Variants in KCNJ11 observed in about 807,000 individuals in gnomAD.
KCNJ11 encodes ATP-sensitive inward rectifier potassium channel 11.
A neutral mutation model predicts 17.3 loss-of-function variants in KCNJ11; 12 were observed. That is an observed-to-expected ratio of 0.69 (90% CI 0.44 to 1.12). KCNJ11 has a LOEUF of 1.12. Ranked by LOEUF, KCNJ11 falls within the 50% of genes most tolerant of loss-of-function variation. The pLI is 0.00. For synonymous variants in KCNJ11, 211 were observed against 223.4 expected, an observed-to-expected ratio of 0.94 and a Z score of 0.50; for missense variants, 386 against 554.1, an observed-to-expected ratio of 0.70 and a Z score of 3.05.
rs1360165556 is a variant in KCNJ11, at chr11:17,387,512, C to T, written c.580G>A (p.Gly194Ser). ...ACACGTAGCATGAAGCAGAGGCGGCCGTGGCGCAGGGCGATCACCGCATGC... is the reference window on the plus strand; with the variant it reads ...ACACGTAGCATGAAGCAGAGGCGGCTGTGGCGCAGGGCGATCACCGCATGC... ...SKHAVIALRHGRLCFMLRVGD... is the reference protein window; with the variant it reads ...SKHAVIALRHSRLCFMLRVGD... The change falls in exon 1 of 1, where the codon GGC (glycine) becomes AGC (serine). Residue 194 changes from glycine (G) to serine (S), a missense_variant. By Grantham distance (56) the Gly-to-Ser change is moderately conservative (BLOSUM62 0). Transcript: ENST00000339994. The T allele has an allele frequency of 5.0e-6, 8 of 1,611,798 alleles. No homozygotes were observed. The East Asian group carries it at 8.9e-5, about 18-fold the overall frequency.
At position 17,387,739 on chromosome 11, in the gene KCNJ11, G is replaced by A. The variant is rs756424776; in HGVS notation, c.353C>T (p.Ser118Leu). The change falls in exon 1 of 1, where the codon TCG becomes TTG. Residue 118 changes from serine to leucine, a missense_variant. By Grantham distance (145) the Ser-to-Leu change is moderately radical. Transcript: ENST00000339994. ...EPCVTSIHSF[S>L]SAFLFSIEVQ... Reference sequence around the variant, plus strand: ...CTCAATGGAGAAAAGGAAGGCAGACGAGAAGGAGTGGATGCTGGTGACACA... The same window carrying A: ...CTCAATGGAGAAAAGGAAGGCAGACAAGAAGGAGTGGATGCTGGTGACACA... The A allele has an allele frequency of 1.1e-5, 17 of 1,614,148 alleles. No homozygotes were observed. In the South Asian group the frequency reaches 1.2e-4, roughly 11 times the overall value.
chr11:17,387,446 G>T lies in KCNJ11; in HGVS notation c.646C>A (p.His216Asn). Reference protein sequence around the residue: ...RKSMIISATIHMQVVRKTTSP... With the variant: ...RKSMIISATINMQVVRKTTSP... ...GTGGTCTTGCGTACCACCTGCATGT[G>T]GATGGTGGCGCTGATGATCATGCTC... The change falls in exon 1 of 1, where the codon CAC (histidine) becomes AAC (asparagine). Residue 216 changes from histidine (H) to asparagine (N), a missense_variant. His to Asn is a moderately conservative substitution (Grantham distance 68). Transcript: ENST00000339994. 6.2e-7 allele frequency: 1 copy of T among 1,613,400 alleles called. No homozygotes were observed. Among genetic ancestry groups the T allele is most frequent in the Non-Finnish European group, 8.5e-7 (1 of 1,180,020 alleles).
In KCNJ11 at chr11:17,386,639, T is replaced by C. The variant is rs914289214; in HGVS notation, c.*280A>G. The C allele has an allele frequency of 6.6e-6, 3 of 456,872 alleles. No individual in the cohort carries two copies. The highest frequency in any genetic ancestry group is 3.9e-5 in the African/African-American group (2 of 51,348). 28.3% of individuals were successfully genotyped at this position (456,872 alleles called of 1,614,324 possible). A position where few individuals can be genotyped will look rare whatever the true frequency, so the allele number is the denominator to read the frequency against. ...ACCCAGGACTGGCTGGACGCACAGC[T>C]CTAGGGCCCAGTACCTCCCACAGCC... On this transcript the variant is annotated 3_prime_UTR_variant, in exon 1 of 1. Transcript: ENST00000339994.
At chr11:17,388,785 T>A (rs1221938430), upstream of KCNJ11, 2 of 449,140 alleles carry the variant, frequency 4.5e-6, no homozygotes, top group Non-Finnish European at 8.9e-6. Context: ...ACTTAACACC[T>A]CCGGATCTCT....
chr11:17,387,187 G>C lies in KCNJ11; in HGVS notation c.905C>G (p.Thr302Ser). The part of the protein sequence containing the change: ...ETTGITTQAR[T>S]SYLADEILWG... ...CAGGATCTCATCGGCCAGGTAGGAG[G>C]TGCGGGCCTGGGTGGTGATGCCCGT... The change falls in exon 1 of 1, where the codon ACC (threonine) becomes AGC (serine). Residue 302 changes from threonine to serine, a missense_variant. Transcript: ENST00000339994. 6.2e-7 allele frequency: 1 copy of C among 1,614,240 alleles called. No individual in the cohort carries two copies. Among genetic ancestry groups the C allele is most frequent in the Non-Finnish European group, 8.5e-7 (1 of 1,180,036 alleles).
chr11:17,387,480 G>T lies in KCNJ11; in HGVS notation c.612C>A (p.Asp204Glu), dbSNP rs577757932. The T allele has an allele frequency of 6.2e-7, 1 of 1,612,392 alleles. No individual in the cohort carries two copies. The highest frequency in any genetic ancestry group is 8.5e-7 in the Non-Finnish European group (1 of 1,179,974). Residue 204 changes from aspartate (D) to glutamate (E), a missense_variant, in exon 1 of 1, where the codon GAC becomes GAA. By Grantham distance (45) the Asp-to-Glu change is conservative (BLOSUM62 2). Coordinates refer to ENST00000339994, the MANE Select transcript of KCNJ11 (RefSeq NM_000525.4). ...GRLCFMLRVG[D>E]LRKSMIISAT... ...CGCTGATGATCATGCTCTTGCGGAG[G>T]TCACCCACACGTAGCATGAAGCAGA... is the stretch of plus-strand genomic sequence containing the variant.
rs997004275 is a variant in KCNJ11 at position 17,385,486 on chromosome 11, G to A, written c.*1433C>T. 6.6e-6 allele frequency among the ~76,000 whole-genome samples: 1 copy of A among 152,228 alleles called. No individual in the cohort carries two copies. The highest frequency in any genetic ancestry group is 1.5e-5 in the Non-Finnish European group (1 of 68,038). The stretch of plus-strand genomic sequence containing the variant: ...AGTCATACAGCTAGAGCCAGGATTC[G>A]AACCCAGGCAGTTGGCTCGAGAGTT... On this transcript the variant is annotated 3_prime_UTR_variant, in exon 1 of 1. Coordinates refer to ENST00000339994, the MANE Select transcript of KCNJ11 (RefSeq NM_000525.4).
In KCNJ11 at chr11:17,386,567, G is replaced by T. The variant is rs1052758282; in HGVS notation, c.*352C>A. On this transcript the variant is annotated 3_prime_UTR_variant, in exon 1 of 1. Transcript: ENST00000339994. ...CGCAAAGCAGCAGCCCTCGGGGATT[G>T]TTCTTCCCCAGCCACCGGCCCAGAG... The T allele has an allele frequency of 7.8e-6, 2 of 257,464 alleles. No individual in the cohort carries two copies. The highest frequency in any genetic ancestry group is 1.5e-5 in the Non-Finnish European group (2 of 133,404). The allele number at this position is 257,464 out of a possible 1,614,324, so 15.9% of individuals were successfully genotyped here. A position where few individuals can be genotyped will look rare whatever the true frequency, so the allele number is the denominator to read the frequency against.
chr11:17,387,334 G>A lies in KCNJ11; in HGVS notation c.758C>T (p.Ala253Val), dbSNP rs1210319331. Reference protein sequence around the residue: ...GVGGNSIFLVAPLIIYHVIDA... With the variant: ...GVGGNSIFLVVPLIIYHVIDA... The stretch of plus-strand genomic sequence containing the variant: ...AATGACATGGTAGATGATCAGCGGG[G>A]CCACCAGGAAGATGCTGTTGCCACC... Residue 253 changes from alanine (A) to valine (V), a missense_variant, in exon 1 of 1, where the codon GCC (alanine) becomes GTC (valine). Transcript: ENST00000339994. 6.2e-7 allele frequency: 1 copy of A among 1,614,140 alleles called. No individual in the cohort carries two copies.
rs1260020267 is a variant in KCNJ11 at position 17,387,531 on chromosome 11, C to T, written c.561G>A (p.Ala187=). The change falls in exon 1 of 1, where the codon GCG becomes GCA. Residue 187 remains alanine, a synonymous_variant. Coordinates refer to ENST00000339994, the MANE Select transcript of KCNJ11 (RefSeq NM_000525.4). ...GGCGGCCGTGGCGCAGGGCGATCACCGCATGCTTGCTGAAGATGAGGGTCT... is the reference window on the plus strand; with the variant it reads ...GGCGGCCGTGGCGCAGGGCGATCACTGCATGCTTGCTGAAGATGAGGGTCT... ...RAETLIFSKH[A]VIALRHGRLC... 32 of 1,612,252 alleles carry T rather than the reference C, an allele frequency of 2.0e-5. 1 individual carries two copies. Among genetic ancestry groups the T allele is most frequent in the Middle Eastern group, 3.3e-4 (2 of 6,084 alleles).
At chr11:17,388,887 C>A, upstream of KCNJ11, 1 of 455,452 alleles carries the variant, frequency 2.2e-6, no homozygotes, top group Non-Finnish European at 4.4e-6. Context: ...TCCTGGCCAC[C>A]CCCGCCCCGT....
rs1953596206 is a variant in KCNJ11, at chr11:17,388,168, G to A, written c.-77C>T. 9 of 1,334,234 alleles carry A rather than the reference G, an allele frequency of 6.7e-6. No individual in the cohort carries two copies. The highest frequency in any genetic ancestry group is 1.2e-5 in the South Asian group (1 of 80,970). 82.6% of individuals were successfully genotyped at this position (1,334,234 alleles called of 1,614,324 possible). On this transcript the variant is annotated 5_prime_UTR_variant, in exon 1 of 1. Transcript: ENST00000339994. The stretch of plus-strand genomic sequence containing the variant: ...ACGTGGCCTAGGGCCTCACTGCAGA[G>A]TCCTCTCGGTGGGCACCTTCTCACC...
Position 17,386,897 on chromosome 11 carries a change from G to T in KCNJ11, c.*22C>A, listed in dbSNP as rs759913615. 6 of 1,600,862 alleles carry T rather than the reference G, an allele frequency of 3.7e-6. No individual in the cohort carries two copies. Among genetic ancestry groups the T allele is most frequent in the South Asian group, 1.1e-5 (1 of 89,048 alleles). On this transcript the variant is annotated 3_prime_UTR_variant, in exon 1 of 1. Coordinates refer to ENST00000339994, the MANE Select transcript of KCNJ11 (RefSeq NM_000525.4). ...ATGGTCCGTGTGTACACACGCGTGT[G>T]GGGGGCCCGAGAGACCATGGCTCAG...
chr11:17,388,756 C>A, upstream of KCNJ11: 1 of 443,130 alleles, frequency 2.3e-6, no homozygotes, highest in Non-Finnish European at 4.6e-6. Context: ...CCCAGCCTGC[C>A]TTCCCAGCCC....
rs754205539 is a variant in KCNJ11 at position 17,387,384 on chromosome 11, C to T, written c.708G>A (p.Val236=). ...PEGEVVPLHQ[V]DIPMENGVGG... is the part of the protein sequence containing the mutation. ...CCACGCCGTTCTCCATGGGGATGTC[C>T]ACCTGGTGGAGGGGCACCACCTCGC... is the stretch of plus-strand genomic sequence containing the variant. Residue 236 remains valine, a synonymous_variant, in exon 1 of 1, where the codon GTG becomes GTA. Transcript: ENST00000339994. 1.2e-5 allele frequency: 20 copies of T among 1,614,086 alleles called. 2 individuals carry two copies. The South Asian group carries it at 2.1e-4, about 17-fold the overall frequency.
chr11:17,387,630 G>T lies in KCNJ11; in HGVS notation c.462C>A (p.Ile154=), dbSNP rs145757832. The T allele has an allele frequency of 6.2e-7, 1 of 1,613,852 alleles. No individual in the cohort carries two copies. The highest frequency in any genetic ancestry group is 2.2e-5 in the East Asian group (1 of 44,868). The change falls in exon 1 of 1, where the codon ATC becomes ATA. Residue 154 remains isoleucine, a synonymous_variant. Coordinates refer to ENST00000339994, the MANE Select transcript of KCNJ11 (RefSeq NM_000525.4). ...TGATGGCGTTGATCATGAGCCCCACGATGTTCTGCACGATGAGGATCAGGA... is the reference window on the plus strand; with the variant it reads ...TGATGGCGTTGATCATGAGCCCCACTATGTTCTGCACGATGAGGATCAGGA... ...LAILILIVQN[I]VGLMINAIML...
At chr11:17,389,111 C>A (rs1953611556), upstream of KCNJ11, 2 of 150,528 alleles carry the variant, frequency 1.3e-5, no homozygotes, top group African/African-American at 4.9e-5. Context: ...TCCCTGCCGC[C>A]CGCCCGCGCC....
rs986748383 is a variant in KCNJ11, at chr11:17,386,548, G to C, written c.*371C>G. 2.2e-5 allele frequency: 5 copies of C among 228,736 alleles called. No individual in the cohort carries two copies. The highest frequency in any genetic ancestry group is 8.6e-5 in the East Asian group (1 of 11,656). 14.2% of individuals were successfully genotyped at this position (228,736 alleles called of 1,614,324 possible). ...CACTTCTTGGAGCCACAGACGCAAA[G>C]CAGCAGCCCTCGGGGATTGTTCTTC... is the stretch of plus-strand genomic sequence containing the variant. On this transcript the variant is annotated 3_prime_UTR_variant, in exon 1 of 1. Coordinates refer to ENST00000339994, the MANE Select transcript of KCNJ11 (RefSeq NM_000525.4).
At position 17,388,475 on chromosome 11, in the gene KCNJ11, G is replaced by C; in HGVS notation, c.-384C>G. 1 of 286,036 alleles carries C rather than the reference G, an allele frequency of 3.5e-6. No homozygotes were observed. Among genetic ancestry groups the C allele is most frequent in the Non-Finnish European group, 6.8e-6 (1 of 146,418 alleles). The allele number at this position is 286,036 out of a possible 1,614,324, so 17.7% of individuals were successfully genotyped here. A position where few individuals can be genotyped will look rare whatever the true frequency, so the allele number is the denominator to read the frequency against. The stretch of plus-strand genomic sequence containing the variant: ...CGCACCTGTAATCCCAGCTACTCAG[G>C]AAGCTGAGGCAGGAGAATCGCTTGA... On this transcript the variant is annotated 5_prime_UTR_variant, in exon 1 of 1. Transcript: ENST00000339994.
Sources: allele counts gnomAD v4.1 joint callset (sites outside exome capture counted in the v4.1 genomes callset), GRCh38; gene constraint gnomAD v4.1.1; transcripts MANE v1.5; gene names NCBI Gene and HGNC (gene_info 2026-07-23, HGNC 2026-07-21).